PPP3CA: variants seen among roughly 807,000 people sequenced by gnomAD.
PPP3CA encodes the protein protein phosphatase 3 catalytic subunit alpha, also known as CAM-PRP catalytic subunit.
Under a neutral mutation model 66.5 loss-of-function variants are expected in PPP3CA, and 14 were observed. The ratio of observed to expected loss-of-function variants is 0.21; its 90% CI spans 0.14 to 0.33. The LOEUF (loss-of-function observed/expected upper bound fraction) is 0.33. PPP3CA is among the 10% of genes least tolerant of loss of function. The pLI, the probability that PPP3CA is intolerant of heterozygous loss-of-function variation, is 1.00. For missense variants in PPP3CA, 317 were observed against 639.5 expected (o/e 0.50, Z 5.44); for synonymous variants, 232 against 226.2 (o/e 1.03, Z -0.23).
At chr4:101,058,599 A>T (rs1434127096) in intron 10 of PPP3CA, among the ~76,000 whole-genome samples, 2 of 152,214 alleles carry the variant, frequency 1.3e-5, no homozygotes, top group Non-Finnish European at 2.9e-5. Flanking sequence ...CACTCCTACA[A>T]TTGGAATTAA....
At chr4:101,265,242 G>A (rs1727134002) in intron 1 of PPP3CA, among the ~76,000 whole-genome samples, 1 of 152,170 alleles carries the variant, frequency 6.6e-6, no homozygotes, top group Non-Finnish European at 1.5e-5. Context: ...TCAGCCTCCT[G>A]AGTAGCTGGG....
rs760256061 is a variant in PPP3CA, at chr4:101,276,808, CT to C, written c.58+69930del. On this transcript the variant is annotated intron_variant, in intron 1 of 13. Transcript: ENST00000394854. Reference sequence around the variant, plus strand: ...CCCTTTACCTCCCACACAGTTTCCCCTATGTTAACATCTTGCATTAGTACTG... The same window carrying C: ...CCCTTTACCTCCCACACAGTTTCCCCATGTTAACATCTTGCATTAGTACTG... Among the ~76,000 whole-genome samples, 19 of 152,286 alleles carry C rather than the reference CT, an allele frequency of 1.2e-4. No homozygotes were observed. The East Asian group carries it at 2.7e-3, about 22-fold the overall frequency.
chr4:101,125,031 C>T (rs568422377), intron 2 of PPP3CA, among the ~76,000 whole-genome samples: 32 of 152,234 alleles, frequency 2.1e-4, no homozygotes, highest in African/African-American at 5.8e-4. Context: ...CAAAGAGTTT[C>T]GAGGTATCTT....
At chr4:101,265,516 A>C (rs996335765) in intron 1 of PPP3CA, among the ~76,000 whole-genome samples, 11 of 152,234 alleles carry the variant, frequency 7.2e-5, no homozygotes, top group Non-Finnish European at 1.3e-4. Context: ...GGCATAAAGA[A>C]GACCAAACCA....
intron 1 of PPP3CA, among the ~76,000 whole-genome samples, chr4:101,308,170 G>C (rs983269069): frequency 1.3e-5 from 2 of 152,074 alleles, no homozygotes; most frequent in African/African-American, 4.8e-5. Context: ...CAAATGTCTG[G>C]CCTGAAATGT....
At chr4:101,240,421 T>C (rs1362339139) in intron 1 of PPP3CA, among the ~76,000 whole-genome samples, 1 of 152,048 alleles carries the variant, frequency 6.6e-6, no homozygotes, top group African/African-American at 2.4e-5. Context: ...GCTAGAGTAA[T>C]CAATTCATTC....
intron 1 of PPP3CA, among the ~76,000 whole-genome samples, chr4:101,307,338 G>A (rs1374845035): frequency 6.6e-6 from 1 of 152,086 alleles, no homozygotes; most frequent in Non-Finnish European, 1.5e-5. Flanking sequence ...AGAATGTGTT[G>A]AAATGAGAAT....
intron 8 of PPP3CA, among the ~76,000 whole-genome samples, chr4:101,069,163 T>C (rs1728805392): frequency 1.3e-5 from 2 of 152,078 alleles, no homozygotes; most frequent in African/African-American, 2.4e-5. Flanking sequence ...GCCTCCCAAG[T>C]AGCTGGGACT....
intron 11 of PPP3CA, among the ~76,000 whole-genome samples, chr4:101,038,171 G>A (rs1727336795): frequency 6.6e-6 from 1 of 152,100 alleles, no homozygotes; most frequent in Admixed American, 6.6e-5. Flanking sequence ...GGATTGTGTG[G>A]CTGTGCTCCT....
At chr4:101,032,123 C>G in intron 12 of PPP3CA, 144 bp downstream of exon 12, 1 of 536,086 alleles carries the variant, frequency 1.9e-6, no homozygotes. Flanking sequence ...ACTGATCAAA[C>G]TGATTGGGGT....
chr4:101,062,208 C>T (rs1160117329), intron 9 of PPP3CA, among the ~76,000 whole-genome samples: 6 of 152,052 alleles, frequency 3.9e-5, no homozygotes, highest in Non-Finnish European at 8.8e-5. Context: ...GATGACACTA[C>T]TCCAATTTGA....
intron 1 of PPP3CA, among the ~76,000 whole-genome samples, chr4:101,239,144 T>TA (rs1343209098): frequency 6.6e-6 from 1 of 152,124 alleles, no homozygotes; most frequent in Non-Finnish European, 1.5e-5. Context: ...GGCTAATATG[T>TA]AACTTAGAGT....
intron 2 of PPP3CA, among the ~76,000 whole-genome samples, chr4:101,176,366 CTTCTCCA>C (rs1724059489): frequency 6.6e-6 from 1 of 152,130 alleles, no homozygotes; most frequent in South Asian, 2.1e-4. Context: ...AAGTCATCAC[CTTCTCCA>C]TTGTTATTCG....
At chr4:101,320,491 TATAC>T (rs1729008331) in intron 1 of PPP3CA, among the ~76,000 whole-genome samples, 5 of 111,284 alleles carry the variant, frequency 4.5e-5, no homozygotes, top group Admixed American at 4.3e-4. Context: ...TGTGTGTGTG[TATAC>T]ACACACACAC....
At chr4:101,250,584 A>C (rs1726643406) in intron 1 of PPP3CA, among the ~76,000 whole-genome samples, 1 of 152,160 alleles carries the variant, frequency 6.6e-6, no homozygotes, top group Non-Finnish European at 1.5e-5. Context: ...GTGATTCAAA[A>C]TACATATTTT....
intron 2 of PPP3CA, among the ~76,000 whole-genome samples, chr4:101,179,707 ATACT>A (rs1297321977): frequency 3.3e-5 from 5 of 152,174 alleles, no homozygotes; most frequent in East Asian, 1.9e-4. Flanking sequence ...TTCAGGGTAA[ATACT>A]TAATAAATAC....
chr4:101,097,907 A>G (rs1182817161), intron 5 of PPP3CA, among the ~76,000 whole-genome samples: 1 of 152,160 alleles, frequency 6.6e-6, no homozygotes, highest in African/African-American at 2.4e-5. Context: ...AAATATTATC[A>G]CTGTCCTTGT....
At chr4:101,227,349 T>C in intron 1 of PPP3CA, among the ~76,000 whole-genome samples, 1 of 151,932 alleles carries the variant, frequency 6.6e-6, no homozygotes, top group African/African-American at 2.4e-5. Flanking sequence ...TTGTTTTATA[T>C]ACTAAATTAT....
chr4:101,175,386 C>T (rs1439141514), intron 2 of PPP3CA, among the ~76,000 whole-genome samples: 1 of 152,100 alleles, frequency 6.6e-6, no homozygotes, highest in Admixed American at 6.6e-5. Flanking sequence ...ACCTTGTTAG[C>T]TGATGCATTT....
Sources: allele counts gnomAD v4.1 joint callset (sites outside exome capture counted in the v4.1 genomes callset), GRCh38; gene constraint gnomAD v4.1.1; transcripts MANE v1.5; gene names NCBI Gene and HGNC (gene_info 2026-07-23, HGNC 2026-07-21).